Variants in CHST8 observed in about 807,000 individuals in gnomAD.
CHST8 encodes the protein carbohydrate sulfotransferase 8, also known as GALNAC-4-ST1.
Under a neutral mutation model 15.0 loss-of-function variants are expected in CHST8, and 10 were observed. The observed-to-expected ratio is 0.67, with a 90% CI of 0.41 to 1.13. CHST8 has a LOEUF of 1.13. Among genes scored for constraint, CHST8 ranks in the 50% most tolerant of loss-of-function variants. The pLI is 0.00. For synonymous variants in CHST8, 259 were observed against 256.6 expected, an observed-to-expected ratio of 1.01 and a Z score of -0.09; for missense variants, 634 against 608.2, an observed-to-expected ratio of 1.04 and a Z score of -0.45.
At chr19:33,623,410 C>T (rs940416910) in intron 1 of CHST8, among the ~76,000 whole-genome samples, 3 of 152,174 alleles carry the variant, frequency 2.0e-5, no homozygotes, top group Non-Finnish European at 4.4e-5. Flanking sequence ...ATCTGCTTGG[C>T]GCGATCTGGC....
At chr19:33,757,323 T>C (rs938830264) in intron 3 of CHST8, among the ~76,000 whole-genome samples, 1 of 148,214 alleles carries the variant, frequency 6.7e-6, no homozygotes, top group Non-Finnish European at 1.5e-5. Flanking sequence ...GAGGTTGCAG[T>C]GAGCCAAAAC....
At chr19:33,763,946 G>A (rs1049256327) in intron 3 of CHST8, among the ~76,000 whole-genome samples, 2 of 152,196 alleles carry the variant, frequency 1.3e-5, no homozygotes, top group African/African-American at 2.4e-5. Context: ...GGTGAAAGGA[G>A]CTGGCAGAGC....
chr19:33,679,059 A>G (rs919986277), intron 2 of CHST8, among the ~76,000 whole-genome samples: 11 of 152,200 alleles, frequency 7.2e-5, no homozygotes, highest in African/African-American at 2.7e-4. Context: ...GATTCCCTGG[A>G]AGGCAGCCAA....
chr19:33,632,995 T>TA (rs563803043), intron 1 of CHST8, among the ~76,000 whole-genome samples: 235 of 152,014 alleles, frequency 1.5e-3, no homozygotes, highest in African/African-American at 5.4e-3. Context: ...CACACCCAGC[T>TA]AATTTTTGTA....
chr19:33,623,026 G>A (rs954710240), intron 1 of CHST8, among the ~76,000 whole-genome samples: 2 of 152,172 alleles, frequency 1.3e-5, no homozygotes, highest in Admixed American at 6.5e-5. Context: ...CTGCAGACCC[G>A]CTCTGGCCTC....
At chr19:33,710,529 C>T (rs1433670574) in intron 3 of CHST8, among the ~76,000 whole-genome samples, 1 of 152,172 alleles carries the variant, frequency 6.6e-6, no homozygotes, top group Non-Finnish European at 1.5e-5. Context: ...TATAAATTTT[C>T]CTCTAAGCAC....
intron 4 of CHST8, 114 bp downstream of exon 4, chr19:33,771,564 T>C: frequency 1.9e-6 from 2 of 1,064,084 alleles, no homozygotes; most frequent in Non-Finnish European, 2.9e-6. Flanking sequence ...GAAAAATGTG[T>C]CCAGCCTTTC....
intron 1 of CHST8, among the ~76,000 whole-genome samples, chr19:33,651,252 T>G (rs934869013): frequency 6.6e-6 from 1 of 152,204 alleles, no homozygotes. Context: ...CATTTCTAGG[T>G]GAATTGGCAA....
intron 3 of CHST8, among the ~76,000 whole-genome samples, chr19:33,710,874 T>G (rs1013998230): frequency 2.2e-4 from 19 of 86,204 alleles, no homozygotes; most frequent in Middle Eastern, 6.4e-3. Context: ...TTTCTGGAGT[T>G]TTTTTTTTTT....
chr19:33,751,360 T>G lies in CHST8; in HGVS notation c.131-20053T>G, dbSNP rs1392202894. ...ATTGAAGGATCCTCAGACGTAGACA[T>G]CCAAGGGAAATAATTAGTGCTTAAA... On this transcript the variant is annotated intron_variant, in intron 3 of 4. Transcript: ENST00000650847. 3.9e-5 allele frequency among the ~76,000 whole-genome samples: 6 copies of G among 152,238 alleles called. 1 individual carries two copies. The highest frequency in any genetic ancestry group is 8.8e-5 in the Non-Finnish European group (6 of 68,046).
At chr19:33,684,568 A>C (rs1347576679) in intron 2 of CHST8, 1 of 152,602 alleles carries the variant, frequency 6.6e-6, no homozygotes, top group African/African-American at 2.4e-5. Flanking sequence ...CGCCGCTGCC[A>C]TTAGAGCGGT....
intron 3 of CHST8, among the ~76,000 whole-genome samples, chr19:33,765,222 G>A (rs1335991138): frequency 1.3e-5 from 2 of 151,848 alleles, no homozygotes; most frequent in Non-Finnish European, 2.9e-5. Context: ...TTGATCTTCT[G>A]TTGTTGCAAG....
intron 1 of CHST8, among the ~76,000 whole-genome samples, chr19:33,653,373 TTC>T (rs1019485660): frequency 2.0e-5 from 3 of 152,204 alleles, no homozygotes; most frequent in Non-Finnish European, 4.4e-5. Flanking sequence ...TATAATGTCT[TTC>T]TCTCTGGTTA....
chr19:33,691,957 G>A (rs1377531532), intron 3 of CHST8, among the ~76,000 whole-genome samples: 1 of 152,158 alleles, frequency 6.6e-6, no homozygotes, highest in Non-Finnish European at 1.5e-5. Context: ...AAAGGGGATG[G>A]GGAGTGGCGG....
At chr19:33,683,116 G>C (rs2145247493) in intron 2 of CHST8, among the ~76,000 whole-genome samples, 1 of 152,264 alleles carries the variant, frequency 6.6e-6, no homozygotes, top group Admixed American at 6.5e-5. Context: ...CAAGGGGATG[G>C]CACCATGCCA....
chr19:33,733,790 A>G (rs1278879259), intron 3 of CHST8, among the ~76,000 whole-genome samples: 1 of 152,140 alleles, frequency 6.6e-6, no homozygotes, highest in Non-Finnish European at 1.5e-5. Flanking sequence ...AAGAGCTGGA[A>G]CTTCCTACAT....
Position 33,772,874 on chromosome 19 carries a change from C to T in CHST8, c.1086C>T (p.Ile362=). ...EDDANFFLSL[I]RAPRNLTFPR... ...ATGCCAACTTCTTCCTGAGCCTCAT[C>T]CGCGCGCCGCGGAACCTGACCTTCC... The change falls in exon 5 of 5, where the codon ATC becomes ATT. Residue 362 remains isoleucine (I), a synonymous_variant. Coordinates refer to ENST00000650847, the MANE Select transcript of CHST8 (RefSeq NM_001127895.2). 6.2e-7 allele frequency: 1 copy of T among 1,613,524 alleles called. No individual in the cohort carries two copies. Among genetic ancestry groups the T allele is most frequent in the Admixed American group, 1.7e-5 (1 of 60,032 alleles).
At chr19:33,681,907 C>T (rs1972895825) in intron 2 of CHST8, among the ~76,000 whole-genome samples, 1 of 151,454 alleles carries the variant, frequency 6.6e-6, no homozygotes, top group Non-Finnish European at 1.5e-5. Flanking sequence ...GCTCTTGTCA[C>T]CCAGGCTGGA....
At chr19:33,634,671 C>A in intron 1 of CHST8, among the ~76,000 whole-genome samples, 7 of 56,270 alleles carry the variant, frequency 1.2e-4, no homozygotes, top group Admixed American at 2.3e-4. Context: ...TTTCTTGTCA[C>A]GAAACCAAAA....
Sources: gnomAD v4.1 joint callset for allele counts (sites outside exome capture counted in the v4.1 genomes callset) on GRCh38, gnomAD v4.1.1 for gene constraint, MANE v1.5 for transcripts, NCBI Gene and HGNC (gene_info 2026-07-23, HGNC 2026-07-21) for gene names.